The following SPAG6 variants were observed in gnomAD, a reference collection of about 807,000 sequenced individuals.
SPAG6 encodes the protein sperm-associated antigen 6.
In SPAG6, 49 loss-of-function variants were observed where a neutral mutation model predicts 58.5. The ratio of observed to expected loss-of-function variants is 0.84; its 90% CI spans 0.67 to 1.06. The LOEUF is 1.06. Ranked by LOEUF, SPAG6 falls within the 50% of genes least tolerant of loss-of-function variation. The pLI, the probability that SPAG6 is intolerant of heterozygous loss-of-function variation, is 0.00. For synonymous variants in SPAG6, 233 were observed against 225.6 expected (o/e 1.03, Z -0.29); for missense variants, 560 against 611.3 (o/e 0.92, Z 0.89).
At chr10:22,382,209 C>A (rs1167902942) in intron 4 of SPAG6, among the ~76,000 whole-genome samples, 1 of 152,154 alleles carries the variant, frequency 6.6e-6, no homozygotes, top group African/African-American at 2.4e-5. Context: ...TCGCTTGTCA[C>A]AGTACCACAG....
At chr10:22,375,294 T>C (rs1046021535) in intron 4 of SPAG6, among the ~76,000 whole-genome samples, 1 of 152,228 alleles carries the variant, frequency 6.6e-6, no homozygotes, top group Admixed American at 6.5e-5. Context: ...AATTTGAAAG[T>C]GCTCCAATTG....
intron 9 of SPAG6, among the ~76,000 whole-genome samples, chr10:22,409,090 A>G (rs7358250): frequency 0.17 from 25,521 of 152,092 alleles, 6,413 homozygotes; most frequent in African/African-American, 0.55. Flanking sequence ...CGTCCTCTTC[A>G]TGGCTCACGC....
At chr10:22,350,016 A>G (rs1836673593) in intron 2 of SPAG6, among the ~76,000 whole-genome samples, 1 of 152,156 alleles carries the variant, frequency 6.6e-6, no homozygotes, top group Admixed American at 6.5e-5. Context: ...ATCCTCTTAC[A>G]AACCTGCTGT....
intron 9 of SPAG6, among the ~76,000 whole-genome samples, chr10:22,405,955 T>C (rs1005263122): frequency 6.6e-6 from 1 of 152,194 alleles, no homozygotes; most frequent in Non-Finnish European, 1.5e-5. Flanking sequence ...CTGATGGTAG[T>C]TTGTATTTCT....
At chr10:22,346,504 TTC>T (rs1458305285) in intron 2 of SPAG6, among the ~76,000 whole-genome samples, 5 of 145,972 alleles carry the variant, frequency 3.4e-5, no homozygotes, top group African/African-American at 1.3e-4. Flanking sequence ...TTCTTTCTTC[TTC>T]TTCTTCCTCT....
intron 2 of SPAG6, among the ~76,000 whole-genome samples, chr10:22,356,925 T>C (rs1588636150): frequency 6.6e-6 from 1 of 152,228 alleles, no homozygotes; most frequent in East Asian, 1.9e-4. Flanking sequence ...AATGTTCAGA[T>C]AAAGTTCAAA....
intron 7 of SPAG6, among the ~76,000 whole-genome samples, chr10:22,390,797 T>C (rs1282560597): frequency 2.0e-5 from 3 of 152,140 alleles, no homozygotes; most frequent in Non-Finnish European, 1.5e-5. Flanking sequence ...AAGAAGCCAA[T>C]GAAGAAATAT....
chr10:22,377,144 G>A (rs995163923), intron 4 of SPAG6, among the ~76,000 whole-genome samples: 21 of 152,020 alleles, frequency 1.4e-4, no homozygotes, highest in African/African-American at 3.6e-4. Flanking sequence ...AAGCTGTTAC[G>A]TGGACACTTA....
At chr10:22,365,191 G>A (rs1403400501) in intron 3 of SPAG6, among the ~76,000 whole-genome samples, 172 bp downstream of exon 3, 2 of 152,216 alleles carry the variant, frequency 1.3e-5, no homozygotes, top group African/African-American at 4.8e-5. Context: ...CTTTGGTGCT[G>A]ATAACCACCA....
chr10:22,352,268 G>A (rs1412510315), intron 2 of SPAG6, among the ~76,000 whole-genome samples: 1 of 151,876 alleles, frequency 6.6e-6, no homozygotes, highest in African/African-American at 2.4e-5. Context: ...AATATTCTGT[G>A]TTCTATACCT....
At chr10:22,356,994 T>C (rs752221503) in intron 2 of SPAG6, among the ~76,000 whole-genome samples, 8 of 152,200 alleles carry the variant, frequency 5.3e-5, no homozygotes, top group Non-Finnish European at 1.2e-4. Flanking sequence ...TCTCTTAGCC[T>C]TTTTCTCCAG....
intron 9 of SPAG6, among the ~76,000 whole-genome samples, chr10:22,407,322 G>A (rs1178597048): frequency 6.6e-6 from 1 of 151,704 alleles, no homozygotes; most frequent in Non-Finnish European, 1.5e-5. Flanking sequence ...AGCTCTTTTA[G>A]GGCAGGCCTG....
chr10:22,370,777 C>T (rs1017644226), intron 4 of SPAG6, among the ~76,000 whole-genome samples: 1 of 152,096 alleles, frequency 6.6e-6, no homozygotes, highest in African/African-American at 2.4e-5. Flanking sequence ...TTGTTTAGTA[C>T]ATGTTGATTG....
Position 22,391,734 on chromosome 10 carries a change from AC to A in SPAG6, c.1015del (p.Gln339SerfsTer22). On this transcript the variant is annotated frameshift_variant, in exon 8 of 11. Coordinates refer to ENST00000376624, the MANE Select transcript of SPAG6 (RefSeq NM_012443.4). LOFTEE classifies it high-confidence loss of function. ...TCTTTTGATCCACGCTGCAGGGTGTACCCCAGTTGTCAGTCTGCTTGTCAGA... is the reference window on the plus strand; with the variant it reads ...TCTTTTGATCCACGCTGCAGGGTGTACCCAGTTGTCAGTCTGCTTGTCAGA... ...AMAVIISKGVPQLSVCLSEEP... is the reference protein window; with the variant it reads ...AMAVIISKGVXQLSVCLSEEP... The A allele has an allele frequency of 6.2e-7, 1 of 1,613,296 alleles. No homozygotes were observed.
chr10:22,386,680 C>G (rs1450759260), intron 4 of SPAG6, 74 bp from the exon 5 acceptor site: 1 of 1,102,152 alleles, frequency 9.1e-7, no homozygotes, highest in Non-Finnish European at 1.4e-6. Context: ...TTTGCTGTAT[C>G]TGTCAGGGTG....
chr10:22,352,488 G>A (rs971678538), intron 2 of SPAG6, among the ~76,000 whole-genome samples: 1 of 152,080 alleles, frequency 6.6e-6, no homozygotes, highest in African/African-American at 2.4e-5. Context: ...TTCTTAATAT[G>A]AAGATAAACT....
At chr10:22,373,030 T>C (rs141965318) in intron 4 of SPAG6, among the ~76,000 whole-genome samples, 114 of 152,298 alleles carry the variant, frequency 7.5e-4, no homozygotes, top group African/African-American at 2.5e-3. Flanking sequence ...CTCATCATTC[T>C]TTTTTAGCTC....
Position 22,411,139 on chromosome 10 carries a change from A to G in SPAG6, c.1423A>G (p.Asn475Asp). ...EPGSLLQEYI[N>D]SINSCYPEEI... Reference sequence around the variant, plus strand: ...TGGTTCTCTCCTTCAAGAATACATCAACAGTATTAACAGTTGTTACCCCGA... The same window carrying G: ...TGGTTCTCTCCTTCAAGAATACATCGACAGTATTAACAGTTGTTACCCCGA... Residue 475 changes from asparagine to aspartate, a missense_variant, in exon 10 of 11, where the codon AAC becomes GAC. Asn to Asp is a conservative substitution (Grantham distance 23). Coordinates refer to ENST00000376624, the MANE Select transcript of SPAG6 (RefSeq NM_012443.4). The G allele has an allele frequency of 6.2e-7, 1 of 1,613,144 alleles. No individual in the cohort carries two copies. Among genetic ancestry groups the G allele is most frequent in the Non-Finnish European group, 8.5e-7 (1 of 1,179,650 alleles).
intron 10 of SPAG6, chr10:22,411,755 G>A (rs1016211729): frequency 6.6e-6 from 1 of 151,352 alleles, no homozygotes; most frequent in Non-Finnish European, 1.5e-5. Flanking sequence ...CCTAAGCCTC[G>A]GTCCTTGTAA....
Sources: gnomAD v4.1 joint callset for allele counts (sites outside exome capture counted in the v4.1 genomes callset) on GRCh38, gnomAD v4.1.1 for gene constraint, MANE v1.5 for transcripts, NCBI Gene and HGNC (gene_info 2026-07-23, HGNC 2026-07-21) for gene names.